The following FGF14 variants were observed in gnomAD, a reference collection of about 807,000 sequenced individuals.
The protein encoded by FGF14 is fibroblast growth factor 14.
FGF14 carries 5 observed loss-of-function variants against 25.5 expected under a neutral mutation model. That is an observed-to-expected ratio of 0.20 (90% CI 0.10 to 0.41). The LOEUF is 0.41. Ranked by LOEUF, FGF14 falls within the 10% of genes least tolerant of loss-of-function variation. The probability of loss-of-function intolerance (pLI) is 1.00; values close to 1 mark genes in which losing one functional copy is unlikely to be tolerated. For missense variants in FGF14, 222 were observed against 320.1 expected, an observed-to-expected ratio of 0.69 and a Z score of 2.34; for synonymous variants, 138 against 118.3, an observed-to-expected ratio of 1.17 and a Z score of -1.08.
chr13:102,005,004 A>C lies in FGF14; in HGVS notation c.209-129708T>G, dbSNP rs192250020. 5.9e-5 allele frequency among the ~76,000 whole-genome samples: 9 copies of C among 152,316 alleles called. No individual in the cohort carries two copies. The East Asian group carries it at 1.7e-3, about 29-fold the overall frequency. ...TACCCAGTCATGGGTATTTCTTCAT[A>C]GCAGCATGAAAATGAACTAACACAC... On this transcript the variant is annotated intron_variant, in intron 1 of 4. Transcript: ENST00000376131.
chr13:102,209,684 G>A (rs936797255), intron 1 of FGF14, among the ~76,000 whole-genome samples: 2 of 152,120 alleles, frequency 1.3e-5, no homozygotes, highest in African/African-American at 4.8e-5. Flanking sequence ...GAGTACCATA[G>A]TATCCCTACA....
intron 1 of FGF14, 113 bp from the exon 2 acceptor site, chr13:101,875,409 T>A (rs1008117876): frequency 8.0e-6 from 6 of 746,118 alleles, no homozygotes; most frequent in Non-Finnish European, 1.4e-5. Context: ...AAGTAGCATA[T>A]TTTATTTTGT....
At chr13:101,853,046 A>G (rs2043937802) in intron 3 of FGF14, among the ~76,000 whole-genome samples, 1 of 152,084 alleles carries the variant, frequency 6.6e-6, no homozygotes, top group Non-Finnish European at 1.5e-5. Context: ...AATATTAAGG[A>G]CTTAGGAACA....
intron 1 of FGF14, among the ~76,000 whole-genome samples, chr13:102,066,105 A>G (rs1566640685): frequency 6.6e-6 from 1 of 152,146 alleles, no homozygotes; most frequent in African/African-American, 2.4e-5. Context: ...ATACATTAAT[A>G]ATAACATTTG....
At chr13:102,057,745 T>G (rs1345334289) in intron 1 of FGF14, among the ~76,000 whole-genome samples, 2 of 152,176 alleles carry the variant, frequency 1.3e-5, no homozygotes, top group African/African-American at 2.4e-5. Flanking sequence ...AAAATATTTC[T>G]TGAATAAAGG....
intron 1 of FGF14, among the ~76,000 whole-genome samples, chr13:102,060,837 C>A (rs554333259): frequency 6.6e-6 from 1 of 152,220 alleles, no homozygotes; most frequent in Admixed American, 6.5e-5. Context: ...TTTCCAAGAC[C>A]ACTCTGGCCC....
chr13:102,156,626 C>A (rs1461363149), intron 1 of FGF14, among the ~76,000 whole-genome samples: 2 of 152,176 alleles, frequency 1.3e-5, no homozygotes, highest in Non-Finnish European at 2.9e-5. Context: ...TCTCTCACCA[C>A]TCCTATTCAA....
intron 3 of FGF14, among the ~76,000 whole-genome samples, chr13:101,826,780 C>G (rs78108513): frequency 0.014 from 2,115 of 152,008 alleles, 65 homozygotes; most frequent in African/African-American, 0.048. Context: ...TTTTATTTAA[C>G]AGACGTCTGC....
At chr13:102,376,282 T>C (rs2058038618) in intron 1 of FGF14, among the ~76,000 whole-genome samples, 1 of 152,210 alleles carries the variant, frequency 6.6e-6, no homozygotes, top group Admixed American at 6.5e-5. Flanking sequence ...CCTGTCACCA[T>C]GTAAGATGTG....
At chr13:102,112,947 T>C (rs2045304429) in intron 1 of FGF14, among the ~76,000 whole-genome samples, 1 of 152,200 alleles carries the variant, frequency 6.6e-6, no homozygotes, top group Non-Finnish European at 1.5e-5. Context: ...AAGACATAGT[T>C]CTTGTACTCT....
Position 101,801,148 on chromosome 13 carries a change from A to C in FGF14, c.408+67577T>G, listed in dbSNP as rs577320070. On this transcript the variant is annotated intron_variant, in intron 3 of 4. Transcript: ENST00000376143. ...CTGCTGTTATTGATGCTAAATGAAT[A>C]ATTCTTTTCTTCACGTGATTGAAAC... Among the ~76,000 whole-genome samples, 3 of 152,266 alleles carry C rather than the reference A, an allele frequency of 2.0e-5. No individual in the cohort carries two copies. In the East Asian group the frequency reaches 5.8e-4, roughly 29 times the overall value.
At chr13:102,295,354 T>C (rs1006012127) in intron 1 of FGF14, among the ~76,000 whole-genome samples, 1 of 152,166 alleles carries the variant, frequency 6.6e-6, no homozygotes, top group African/African-American at 2.4e-5. Context: ...CACTGTGATA[T>C]CTAATGGTTC....
intron 3 of FGF14, among the ~76,000 whole-genome samples, chr13:101,744,378 T>C (rs1227798600): frequency 6.6e-6 from 1 of 152,164 alleles, no homozygotes; most frequent in Non-Finnish European, 1.5e-5. Context: ...TTCTGGCTTA[T>C]GTAGTTTCCC....
chr13:102,263,620 T>G (rs943681841), intron 1 of FGF14, among the ~76,000 whole-genome samples: 19 of 152,334 alleles, frequency 1.2e-4, no homozygotes, highest in African/African-American at 4.6e-4. Context: ...CTACGTATTT[T>G]CATGGACTCT....
rs2058683038 is a variant in FGF14 at position 102,400,702 on chromosome 13, G to A, written c.208+769C>T. 6.6e-6 allele frequency among the ~76,000 whole-genome samples: 1 copy of A among 152,220 alleles called. No homozygotes were observed. Among genetic ancestry groups the A allele is most frequent in the Non-Finnish European group, 1.5e-5 (1 of 68,044 alleles). ...TGATCACCAGTAGGCTTAAAAGCAG[G>A]AACTCACGGCCTGGCTCATCCCCAC... On this transcript the variant is annotated intron_variant, in intron 1 of 4. Transcript: ENST00000376131. This position sits in a 1 kb window ranked among gnomAD's most constrained non-coding sequence, Gnocchi z 4.3.
chr13:101,790,446 G>A (rs2040173642), intron 3 of FGF14, among the ~76,000 whole-genome samples: 2 of 148,542 alleles, frequency 1.3e-5, no homozygotes, highest in African/African-American at 2.5e-5. Flanking sequence ...TAGATTCAGT[G>A]GGTACATGTG....
intron 1 of FGF14, among the ~76,000 whole-genome samples, chr13:101,976,145 C>A (rs958366080): frequency 1.1e-5 from 1 of 89,554 alleles, no homozygotes; most frequent in African/African-American, 4.3e-5. Context: ...ATGTGTTGAC[C>A]TGATTGTTCA....
At chr13:101,899,266 G>A (rs1399368880) in intron 1 of FGF14, among the ~76,000 whole-genome samples, 1 of 151,792 alleles carries the variant, frequency 6.6e-6, no homozygotes, top group Non-Finnish European at 1.5e-5. Flanking sequence ...TTTCTAAAAT[G>A]TCCAACACTC....
chr13:101,972,874 T>C (rs1303338069), intron 1 of FGF14, among the ~76,000 whole-genome samples: 1 of 152,160 alleles, frequency 6.6e-6, no homozygotes, highest in Non-Finnish European at 1.5e-5. Context: ...GCATAGGGAT[T>C]TTCCTTTGCT....
Sources: allele counts gnomAD v4.1 joint callset (sites outside exome capture counted in the v4.1 genomes callset), GRCh38; gene constraint gnomAD v4.1.1; non-coding constraint Gnocchi (gnomAD v3.1); transcripts MANE v1.5; gene names NCBI Gene and HGNC (gene_info 2026-07-23, HGNC 2026-07-21).